Variants in ZBTB46 observed in about 807,000 individuals in gnomAD.
ZBTB46 encodes the protein zinc finger and BTB domain-containing protein 46.
A neutral mutation model predicts 44.1 loss-of-function variants in ZBTB46; 8 were observed. The observed-to-expected ratio is 0.18, with a 90% CI of 0.11 to 0.33. The LOEUF (loss-of-function observed/expected upper bound fraction) is 0.33, where lower values mean the gene tolerates loss of function less well. ZBTB46 is among the 10% of genes least tolerant of loss of function. The probability of loss-of-function intolerance (pLI) is 1.00; values close to 1 mark genes in which losing one functional copy is unlikely to be tolerated. For synonymous variants in ZBTB46, 409 were observed against 382.3 expected (o/e 1.07, Z -0.81); for missense variants, 651 against 847.7 (o/e 0.77, Z 2.88).
rs34455360 is a variant in ZBTB46 at position 63,803,231 on chromosome 20, C to CT, written c.-33-12442dup. The CT allele has an allele frequency of 6.6e-6, 6 of 905,290 alleles. No homozygotes were observed. The highest frequency in any genetic ancestry group is 7.9e-6 in the Non-Finnish European group (6 of 757,058). The allele number at this position is 905,290 out of a possible 1,614,324, so 56.1% of individuals were successfully genotyped here. Reference sequence around the variant, plus strand: ...CACCAGCAGGAACCAGGCACCTCCCCTCACACCAAGGCGTTCATGGTTTAC... The same window carrying CT: ...CACCAGCAGGAACCAGGCACCTCCCCTTCACACCAAGGCGTTCATGGTTTAC... On this transcript the variant is annotated intron_variant, in intron 1 of 4. Coordinates refer to ENST00000245663, the MANE Select transcript of ZBTB46 (RefSeq NM_001369741.1). This position sits in a 1 kb window ranked among gnomAD's most constrained non-coding sequence, Gnocchi z 4.0.
chr20:63,795,958 C>T (rs946989579), intron 1 of ZBTB46, among the ~76,000 whole-genome samples: 1 of 152,206 alleles, frequency 6.6e-6, no homozygotes, highest in Non-Finnish European at 1.5e-5. Context: ...AGACTGTAAA[C>T]AGGCGCGCTG....
Position 63,747,168 on chromosome 20 carries a change from C to T in ZBTB46, c.1532G>A (p.Gly511Glu). 1 of 1,609,580 alleles carries T rather than the reference C, an allele frequency of 6.2e-7. No homozygotes were observed. The highest frequency in any genetic ancestry group is 8.5e-7 in the Non-Finnish European group (1 of 1,178,520). ...GCCTCCGCCGCCATGGTCCAGGGGC[C>T]CGGCCATGCCGCGGCCAGCACAGTC... ...CTDCAGRGMAGPLDHGGGGGE... is the reference protein window; with the variant it reads ...CTDCAGRGMAEPLDHGGGGGE... Residue 511 changes from glycine (G) to glutamate (E), a missense_variant, in exon 5 of 5, where the codon GGG (glycine) becomes GAG (glutamate). By Grantham distance (98) the Gly-to-Glu change is moderately conservative. Around this residue, in one of 5 missense-constraint regions of ZBTB46, gnomAD observed 75 missense variants for 107.8 expected, o/e 0.70. Transcript: ENST00000245663.
At chr20:63,828,617 T>G (rs999070612) in intron 1 of ZBTB46, among the ~76,000 whole-genome samples, 10 of 151,530 alleles carry the variant, frequency 6.6e-5, no homozygotes, top group Admixed American at 4.6e-4. Flanking sequence ...GCAGCCTGAG[T>G]TTTTACAAGA....
chr20:63,781,878 G>A (rs1289092644), intron 2 of ZBTB46, among the ~76,000 whole-genome samples: 2 of 151,908 alleles, frequency 1.3e-5, no homozygotes, highest in Admixed American at 1.3e-4. Context: ...AAGGTCAGGA[G>A]ATCGAGACCA....
intron 3 of ZBTB46, among the ~76,000 whole-genome samples, chr20:63,763,368 A>G (rs2092293213): frequency 6.6e-6 from 1 of 152,142 alleles, no homozygotes; most frequent in Non-Finnish European, 1.5e-5. Context: ...GCAACTGGAT[A>G]ATTTATGAGA....
At chr20:63,772,023 G>A (rs1443343874) in intron 3 of ZBTB46, among the ~76,000 whole-genome samples, 2 of 134,124 alleles carry the variant, frequency 1.5e-5, no homozygotes, top group African/African-American at 2.8e-5. Flanking sequence ...TTTTTCTGAC[G>A]AGTTTCGGTC....
At chr20:63,756,067 C>T (rs995546005) in intron 3 of ZBTB46, among the ~76,000 whole-genome samples, 11 of 152,228 alleles carry the variant, frequency 7.2e-5, no homozygotes, top group Non-Finnish European at 1.5e-4. Flanking sequence ...GTCATTCGTG[C>T]CGGACTGGAG....
chr20:63,753,026 T>A (rs2092185397), intron 3 of ZBTB46, among the ~76,000 whole-genome samples, 165 bp from the exon 4 acceptor site: 1 of 152,096 alleles, frequency 6.6e-6, no homozygotes, highest in Non-Finnish European at 1.5e-5. Context: ...TCCCCCACCA[T>A]CTGCATAAAT....
At chr20:63,807,930 C>CA (rs745895265) in intron 1 of ZBTB46, 1 of 143,668 alleles carries the variant, frequency 7.0e-6, no homozygotes, top group African/African-American at 2.6e-5. Context: ...AGGGGACACT[C>CA]ACGGAAGCTG....
intron 3 of ZBTB46, among the ~76,000 whole-genome samples, chr20:63,755,305 G>C (rs2092209868): frequency 6.6e-6 from 1 of 152,234 alleles, no homozygotes; most frequent in African/African-American, 2.4e-5. Context: ...GGAGGCCAAA[G>C]GTCAGAGATC....
intron 1 of ZBTB46, among the ~76,000 whole-genome samples, chr20:63,791,963 G>C (rs1214931916): frequency 6.6e-6 from 1 of 152,208 alleles, no homozygotes; most frequent in Non-Finnish European, 1.5e-5. Flanking sequence ...CGGCCGAGCT[G>C]GTGCCTGTTC....
Position 63,744,144 on chromosome 20 carries a change from T to G in ZBTB46, c.*2786A>C, listed in dbSNP as rs576789325. On this transcript the variant is annotated 3_prime_UTR_variant, in exon 5 of 5. Transcript: ENST00000245663. Reference sequence around the variant, plus strand: ...AAACCACCACCATTAAGTATGGCTTTCTTAAGAGTCGCACATGTCACAGAA... The same window carrying G: ...AAACCACCACCATTAAGTATGGCTTGCTTAAGAGTCGCACATGTCACAGAA... 8 of 152,384 alleles carry G rather than the reference T, an allele frequency of 5.2e-5. No individual in the cohort carries two copies. In the South Asian group the frequency reaches 8.3e-4, roughly 16 times the overall value. 9.4% of individuals were successfully genotyped at this position (152,384 alleles called of 1,614,324 possible).
intron 1 of ZBTB46, among the ~76,000 whole-genome samples, chr20:63,794,002 C>T (rs1031536737): frequency 2.0e-5 from 3 of 151,958 alleles, no homozygotes; most frequent in South Asian, 2.1e-4. Flanking sequence ...CTGGCTAACA[C>T]GGTGAAACCC....
intron 1 of ZBTB46, among the ~76,000 whole-genome samples, chr20:63,829,165 A>G (rs6011172): frequency 0.89 from 135,601 of 152,242 alleles, 60,640 homozygotes; most frequent in African/African-American, 0.96. Context: ...GGGACGGAGG[A>G]CGCAGGGCAC....
intron 3 of ZBTB46, among the ~76,000 whole-genome samples, chr20:63,764,765 G>A (rs548805178): frequency 2.0e-5 from 3 of 151,790 alleles, no homozygotes; most frequent in African/African-American, 7.3e-5. Context: ...ACCACACCCG[G>A]CTAATTTTGT....
intron 1 of ZBTB46, among the ~76,000 whole-genome samples, chr20:63,801,565 A>C (rs2092645540): frequency 6.6e-6 from 1 of 152,168 alleles, no homozygotes; most frequent in African/African-American, 2.4e-5. Flanking sequence ...TGCTCTTTGC[A>C]ATAAATCTTG....
chr20:63,767,501 G>A lies in ZBTB46; in HGVS notation c.1222+8177C>T, dbSNP rs1003614898. On this transcript the variant is annotated intron_variant, in intron 3 of 4. Coordinates refer to ENST00000245663, the MANE Select transcript of ZBTB46 (RefSeq NM_001369741.1). This position sits in a 1 kb window ranked among gnomAD's most constrained non-coding sequence, Gnocchi z 5.0. ...ATATCCCCCTCCGACGCGGCTGTTC[G>A]GTCACCCAGTTCCCCTCCTGCTCCC... is the stretch of plus-strand genomic sequence containing the variant. Among the ~76,000 whole-genome samples the A allele has an allele frequency of 2.0e-5, 3 of 152,156 alleles. No homozygotes were observed. The highest frequency in any genetic ancestry group is 4.4e-5 in the Non-Finnish European group (3 of 68,030).
At chr20:63,769,896 C>T (rs1301969608) in intron 3 of ZBTB46, among the ~76,000 whole-genome samples, 3 of 152,246 alleles carry the variant, frequency 2.0e-5, no homozygotes, top group African/African-American at 2.4e-5. Flanking sequence ...CTGCAAAACG[C>T]CTCCTGACGC....
At chr20:63,816,086 G>A (rs527372557) in intron 1 of ZBTB46, among the ~76,000 whole-genome samples, 1,494 of 136,110 alleles carry the variant, frequency 0.011, 23 homozygotes, top group African/African-American at 0.037. Context: ...GCACAGGTGG[G>A]CACAGGTGCA....
Sources: allele counts gnomAD v4.1 joint callset (sites outside exome capture counted in the v4.1 genomes callset), GRCh38; gene constraint gnomAD v4.1.1; regional missense constraint gnomAD v4.1.1; non-coding constraint Gnocchi (gnomAD v3.1); transcripts MANE v1.5; gene names NCBI Gene and HGNC (gene_info 2026-07-23, HGNC 2026-07-21).